The following DLGAP1 variants were observed in gnomAD, a reference collection of about 807,000 sequenced individuals.
The protein encoded by DLGAP1 is disks large-associated protein 1.
Under a neutral mutation model 90.8 loss-of-function variants are expected in DLGAP1, and 11 were observed. The ratio of observed to expected loss-of-function variants is 0.12; its 90% CI spans 0.08 to 0.20. The LOEUF is 0.20. Among genes scored for constraint, DLGAP1 ranks in the 10% least tolerant of loss-of-function variants. DLGAP1 has a pLI of 1.00. For synonymous variants in DLGAP1, 558 were observed against 540.7 expected, an observed-to-expected ratio of 1.03 and a Z score of -0.44; for missense variants, 1,050 against 1,333.8, an observed-to-expected ratio of 0.79 and a Z score of 3.31.
chr18:4,168,421 C>T (rs2076967766), intron 1 of DLGAP1, among the ~76,000 whole-genome samples: 1 of 152,128 alleles, frequency 6.6e-6, no homozygotes, highest in Non-Finnish European at 1.5e-5. Context: ...CATCATGCCT[C>T]ATACAAAATT....
intron 1 of DLGAP1, among the ~76,000 whole-genome samples, chr18:4,187,536 T>A (rs189108804): frequency 1.3e-3 from 191 of 152,294 alleles, no homozygotes; most frequent in African/African-American, 4.5e-3. Context: ...ACATTAATAT[T>A]GTGTGTATAA....
intron 7 of DLGAP1, among the ~76,000 whole-genome samples, chr18:3,705,303 CTT>C (rs34878394): frequency 5.6e-5 from 8 of 142,126 alleles, no homozygotes; most frequent in Admixed American, 2.1e-4. Flanking sequence ...TTTCAGGCTA[CTT>C]TTTTTTTTTT....
At chr18:3,808,615 T>G (rs982076959) in intron 5 of DLGAP1, among the ~76,000 whole-genome samples, 12 of 152,140 alleles carry the variant, frequency 7.9e-5, no homozygotes, top group Admixed American at 1.3e-4. Flanking sequence ...GATGGGATGA[T>G]ACAAATTGCT....
intron 3 of DLGAP1, among the ~76,000 whole-genome samples, chr18:3,889,082 A>C (rs2071396302): frequency 6.6e-6 from 1 of 152,196 alleles, no homozygotes; most frequent in African/African-American, 2.4e-5. Flanking sequence ...TAGAATATTC[A>C]CAGAGAAGAG....
At chr18:4,384,091 T>C (rs542143818) in intron 1 of DLGAP1, among the ~76,000 whole-genome samples, 14 of 152,238 alleles carry the variant, frequency 9.2e-5, no homozygotes, top group African/African-American at 2.9e-4. Context: ...TACTCCTAAA[T>C]TGAGTGCTAA....
intron 8 of DLGAP1, among the ~76,000 whole-genome samples, chr18:3,575,463 C>A (rs1238217505): frequency 1.3e-5 from 2 of 151,924 alleles, no homozygotes; most frequent in African/African-American, 2.4e-5. Context: ...GGGGTCAGGG[C>A]CTAAAGGTAG....
At chr18:3,511,475 AGAAAT>A (rs1194483147) in intron 10 of DLGAP1, among the ~76,000 whole-genome samples, 8 of 152,308 alleles carry the variant, frequency 5.3e-5, no homozygotes, top group East Asian at 3.9e-4. Context: ...AAGTTGATAA[AGAAAT>A]GAAATGAAGA....
At chr18:3,842,754 C>T (rs1490965631) in intron 4 of DLGAP1, among the ~76,000 whole-genome samples, 1 of 152,072 alleles carries the variant, frequency 6.6e-6, no homozygotes, top group Admixed American at 6.6e-5. Context: ...CATGGGGTAG[C>T]AGGCTCTTGG....
At chr18:4,153,659 A>C (rs1441199534) in intron 1 of DLGAP1, among the ~76,000 whole-genome samples, 1 of 152,196 alleles carries the variant, frequency 6.6e-6, no homozygotes, top group Non-Finnish European at 1.5e-5. Flanking sequence ...CATTAGCAAC[A>C]ATTTACACAG....
rs575834117 is a variant in DLGAP1, at chr18:3,818,756, T to G, written c.958-4483A>C. Among the ~76,000 whole-genome samples, 897 of 151,516 alleles carry G rather than the reference T, an allele frequency of 5.9e-3. 7 individuals are homozygous for G. Among genetic ancestry groups the G allele is most frequent in the Non-Finnish European group, 8.0e-3 (546 of 67,846 alleles). On this transcript the variant is annotated intron_variant, in intron 4 of 12. Coordinates refer to ENST00000315677, the MANE Select transcript of DLGAP1 (RefSeq NM_004746.4). ...GACTACAGATGCCCGCCACCATGCC[T>G]GGCTAATTTTTGTATTTTTAGTAGG...
intron 7 of DLGAP1, among the ~76,000 whole-genome samples, chr18:3,629,620 C>G (rs1359177664): frequency 1.3e-5 from 2 of 151,628 alleles, no homozygotes; most frequent in Non-Finnish European, 2.9e-5. Context: ...TGCAGTGAGC[C>G]GAGATCGCGC....
chr18:3,713,180 C>T (rs2061650840), intron 7 of DLGAP1, among the ~76,000 whole-genome samples: 1 of 152,218 alleles, frequency 6.6e-6, no homozygotes, highest in African/African-American at 2.4e-5. Context: ...TTCTCTGTTT[C>T]CCTGCTTCTT....
At chr18:3,536,233 T>C (rs1250385267) in intron 9 of DLGAP1, among the ~76,000 whole-genome samples, 1 of 150,112 alleles carries the variant, frequency 6.7e-6, no homozygotes, top group Admixed American at 6.6e-5. Flanking sequence ...CTTTTTTTTT[T>C]TTTTTTCTGA....
intron 9 of DLGAP1, among the ~76,000 whole-genome samples, chr18:3,566,907 A>G (rs1181785843): frequency 6.6e-6 from 1 of 152,114 alleles, no homozygotes; most frequent in African/African-American, 2.4e-5. Flanking sequence ...CATTTACAAC[A>G]TGAAATTATT....
intron 6 of DLGAP1, among the ~76,000 whole-genome samples, chr18:3,738,596 C>T (rs1363944543): frequency 6.6e-6 from 1 of 151,966 alleles, no homozygotes; most frequent in East Asian, 1.9e-4. Flanking sequence ...AACTGGATCC[C>T]TTCCTTACAC....
intron 1 of DLGAP1, among the ~76,000 whole-genome samples, chr18:4,375,207 TC>T (rs748857203): frequency 5.5e-4 from 83 of 152,274 alleles, no homozygotes; most frequent in South Asian, 1.7e-3. Context: ...ACCTAAGAGT[TC>T]CAAATGTGTT....
chr18:3,969,990 T>C (rs2073411508), intron 3 of DLGAP1, among the ~76,000 whole-genome samples: 1 of 152,210 alleles, frequency 6.6e-6, no homozygotes, highest in Admixed American at 6.5e-5. Flanking sequence ...AGCAGATTTG[T>C]TGTGTTACGA....
intron 3 of DLGAP1, among the ~76,000 whole-genome samples, chr18:3,943,352 G>T (rs1275045425): frequency 4.6e-5 from 7 of 151,860 alleles, no homozygotes; most frequent in Non-Finnish European, 7.4e-5. Context: ...ATTTATAAAA[G>T]ACTATTTTTA....
chr18:4,019,682 A>G (rs1299124955), intron 2 of DLGAP1, among the ~76,000 whole-genome samples: 1 of 152,172 alleles, frequency 6.6e-6, no homozygotes, highest in African/African-American at 2.4e-5. Flanking sequence ...TCTAATTATT[A>G]GAATATATCA....
Sources: allele counts gnomAD v4.1 joint callset (sites outside exome capture counted in the v4.1 genomes callset), GRCh38; gene constraint gnomAD v4.1.1; transcripts MANE v1.5; gene names NCBI Gene and HGNC (gene_info 2026-07-23, HGNC 2026-07-21).